Variants in NALCN observed in about 807,000 individuals in gnomAD.
The protein encoded by NALCN is sodium leak channel, non-selective, also known as sodium leak channel NALCN.
NALCN carries 111 observed loss-of-function variants against 225.3 expected under a neutral mutation model. That is an observed-to-expected ratio of 0.49 (90% CI 0.42 to 0.58). NALCN has a LOEUF of 0.58. Ranked by LOEUF, NALCN falls within the 20% of genes least tolerant of loss-of-function variation. NALCN has a pLI of 0.00. For missense variants in NALCN, 1,378 were observed against 2,202.4 expected (o/e 0.63, Z 7.49); for synonymous variants, 764 against 769.0 (o/e 0.99, Z 0.11).
intron 6 of NALCN, among the ~76,000 whole-genome samples, chr13:101,366,701 A>T (rs2046385485): frequency 6.6e-6 from 1 of 152,198 alleles, no homozygotes; most frequent in African/African-American, 2.4e-5. Context: ...TGATGTTTTG[A>T]TGTATGTATA....
At chr13:101,113,149 A>T (rs988354953) in intron 18 of NALCN, among the ~76,000 whole-genome samples, 2 of 152,218 alleles carry the variant, frequency 1.3e-5, no homozygotes, top group African/African-American at 4.8e-5. Context: ...TTCTACAGAT[A>T]TATAAATATG....
At chr13:101,263,486 G>A (rs1210102083) in intron 10 of NALCN, among the ~76,000 whole-genome samples, 4 of 152,096 alleles carry the variant, frequency 2.6e-5, no homozygotes, top group Non-Finnish European at 5.9e-5. Flanking sequence ...TGGCAGAAAA[G>A]CCACAACTTT....
chr13:101,162,570 G>T (rs2038241213), intron 15 of NALCN, among the ~76,000 whole-genome samples: 1 of 152,148 alleles, frequency 6.6e-6, no homozygotes, highest in African/African-American at 2.4e-5. Flanking sequence ...ACAACTATAA[G>T]AGTGCCTTTT....
rs1387934293 is a variant in NALCN, at chr13:101,292,173, T to C, written c.942+51A>G. On this transcript the variant is annotated intron_variant, in intron 8 of 43. Coordinates refer to ENST00000251127, the MANE Select transcript of NALCN (RefSeq NM_052867.4). The surrounding 1 kb of genome is among the most constrained non-coding windows in gnomAD (Gnocchi z 4.3). ...GGCAACCAAAACCAAACAAAAGATCTGCAGAACTATCACAGAACATAGACT... is the reference window on the plus strand; with the variant it reads ...GGCAACCAAAACCAAACAAAAGATCCGCAGAACTATCACAGAACATAGACT... 6.2e-7 allele frequency: 1 copy of C among 1,612,572 alleles called. No homozygotes were observed. Among genetic ancestry groups the C allele is most frequent in the South Asian group, 1.1e-5 (1 of 90,944 alleles).
intron 3 of NALCN, among the ~76,000 whole-genome samples, chr13:101,391,203 C>T (rs2047134479): frequency 6.6e-6 from 1 of 151,876 alleles, no homozygotes; most frequent in Admixed American, 6.6e-5. Context: ...GCTAGCCAAC[C>T]TGATGACAAC....
intron 18 of NALCN, among the ~76,000 whole-genome samples, chr13:101,120,662 T>A (rs2035932337): frequency 6.6e-6 from 1 of 152,214 alleles, no homozygotes; most frequent in Non-Finnish European, 1.5e-5. Context: ...ACCATTTATT[T>A]TTCTTCTCTT....
intron 10 of NALCN, 138 bp from the exon 11 acceptor site, chr13:101,258,712 G>T (rs931569343): frequency 1.7e-5 from 20 of 1,173,780 alleles, no homozygotes; most frequent in Non-Finnish European, 2.3e-5. Context: ...AGCCATCCAT[G>T]TCCCACACTG....
chr13:101,243,881 G>A (rs1419570291), intron 11 of NALCN, among the ~76,000 whole-genome samples: 1 of 105,260 alleles, frequency 9.5e-6, no homozygotes, highest in Non-Finnish European at 2.1e-5. Context: ...TCTCTGCCCT[G>A]AGCAGTGGCC....
intron 13 of NALCN, among the ~76,000 whole-genome samples, chr13:101,212,830 TC>T (rs2040577180): frequency 1.3e-5 from 2 of 152,084 alleles, no homozygotes; most frequent in East Asian, 3.9e-4. Flanking sequence ...GTCTTATCCA[TC>T]TGATAGGAAG....
intron 14 of NALCN, among the ~76,000 whole-genome samples, chr13:101,177,360 A>T (rs2038998526): frequency 1.3e-5 from 2 of 150,570 alleles, no homozygotes; most frequent in African/African-American, 4.9e-5. Flanking sequence ...TACCTAATAC[A>T]CTGGTGAATT....
chr13:101,158,083 G>A (rs1215842618), intron 15 of NALCN, among the ~76,000 whole-genome samples: 1 of 152,030 alleles, frequency 6.6e-6, no homozygotes, highest in African/African-American at 2.4e-5. Context: ...TCTTTTGGGT[G>A]TAGCTCCTCC....
At chr13:101,297,648 T>C (rs2043804849) in intron 7 of NALCN, among the ~76,000 whole-genome samples, 1 of 152,206 alleles carries the variant, frequency 6.6e-6, no homozygotes, top group African/African-American at 2.4e-5. Flanking sequence ...GTCTGCAGAA[T>C]TAGTCCTTGC....
chr13:101,232,450 CTT>C (rs11400612), intron 12 of NALCN, among the ~76,000 whole-genome samples: 5 of 142,630 alleles, frequency 3.5e-5, no homozygotes, highest in Admixed American at 7.0e-5. Context: ...CTTTTCTTTT[CTT>C]TTTTTTTTTT....
At chr13:101,312,704 G>A (rs2139152683) in intron 7 of NALCN, among the ~76,000 whole-genome samples, 1 of 152,248 alleles carries the variant, frequency 6.6e-6, no homozygotes, top group African/African-American at 2.4e-5. Context: ...GTTCTAGTTT[G>A]ATTGCACTGT....
intron 6 of NALCN, among the ~76,000 whole-genome samples, chr13:101,370,675 C>T (rs61973698): frequency 0.21 from 31,860 of 152,032 alleles, 3,458 homozygotes; most frequent in Non-Finnish European, 0.24. Context: ...TGGGTAATAG[C>T]ACACAATAAA....
chr13:101,362,551 T>C (rs1045149090), intron 6 of NALCN, among the ~76,000 whole-genome samples: 1 of 151,960 alleles, frequency 6.6e-6, no homozygotes. Context: ...GTCTTTATTA[T>C]CAAAACACTA....
At chr13:101,088,220 A>G (rs757856120) in intron 30 of NALCN, among the ~76,000 whole-genome samples, 2 of 152,178 alleles carry the variant, frequency 1.3e-5, no homozygotes, top group African/African-American at 2.4e-5. Context: ...CCTGAATGAA[A>G]TGACATGCTC....
intron 10 of NALCN, among the ~76,000 whole-genome samples, chr13:101,282,111 A>G (rs1303411148): frequency 3.9e-5 from 6 of 152,218 alleles, no homozygotes; most frequent in African/African-American, 1.4e-4. Flanking sequence ...TTCCCAAAAA[A>G]TTAAAAATAG....
Position 101,169,076 on chromosome 13 carries a change from A to G in NALCN, c.1839+7224T>C, listed in dbSNP as rs112933484. Among the ~76,000 whole-genome samples the G allele has an allele frequency of 1.5e-3, 221 of 152,232 alleles. 1 individual carries two copies. Among genetic ancestry groups the G allele is most frequent in the Non-Finnish European group, 2.6e-3 (177 of 68,022 alleles). ...GTGCTTCCGAAACATTATCCTTATAATCATCACCACTGAACCCAAACTGCC... is the reference window on the plus strand; with the variant it reads ...GTGCTTCCGAAACATTATCCTTATAGTCATCACCACTGAACCCAAACTGCC... On this transcript the variant is annotated intron_variant, in intron 15 of 43. Coordinates refer to ENST00000251127, the MANE Select transcript of NALCN (RefSeq NM_052867.4).
Sources: gnomAD v4.1 joint callset for allele counts (sites outside exome capture counted in the v4.1 genomes callset) on GRCh38, gnomAD v4.1.1 for gene constraint, Gnocchi (gnomAD v3.1) non-coding constraint, MANE v1.5 for transcripts, NCBI Gene and HGNC (gene_info 2026-07-23, HGNC 2026-07-21) for gene names.